The following SEMA6D variants were observed in gnomAD, a reference collection of about 807,000 sequenced individuals.
SEMA6D encodes semaphorin-6D.
SEMA6D carries 35 observed loss-of-function variants against 106.6 expected under a neutral mutation model. That is an observed-to-expected ratio of 0.33 (90% confidence interval 0.25 to 0.44). The LOEUF is 0.44. Ranked by LOEUF, SEMA6D falls within the 20% of genes least tolerant of loss-of-function variation. The pLI is 1.00. For synonymous variants in SEMA6D, 499 were observed against 487.7 expected (o/e 1.02, Z -0.31); for missense variants, 1,185 against 1,345.9 (o/e 0.88, Z 1.87).
At chr15:47,705,720 A>T (rs1446701335) in intron 4 of SEMA6D, among the ~76,000 whole-genome samples, 2 of 152,188 alleles carry the variant, frequency 1.3e-5, no homozygotes, top group African/African-American at 2.4e-5. Context: ...GTTCCCCAGG[A>T]AATTCCTGGG....
chr15:47,466,531 A>G (rs1646000814), intron 2 of SEMA6D, among the ~76,000 whole-genome samples: 1 of 152,118 alleles, frequency 6.6e-6, no homozygotes, highest in Non-Finnish European at 1.5e-5. Context: ...GTAAATATTT[A>G]TCAAATTTTC....
At chr15:47,277,147 C>G (rs1445410650) in intron 1 of SEMA6D, among the ~76,000 whole-genome samples, 1 of 152,076 alleles carries the variant, frequency 6.6e-6, no homozygotes, top group African/African-American at 2.4e-5. Context: ...TATGGGTGAG[C>G]AAAGAAAGTG....
At chr15:47,335,819 G>A (rs1401185991) in intron 1 of SEMA6D, among the ~76,000 whole-genome samples, 3 of 152,126 alleles carry the variant, frequency 2.0e-5, no homozygotes, top group African/African-American at 7.2e-5. Context: ...AGTAAGAAAT[G>A]GCATGAATAA....
At chr15:47,198,741 T>G (rs1444197205) in intron 1 of SEMA6D, among the ~76,000 whole-genome samples, 3 of 152,216 alleles carry the variant, frequency 2.0e-5, no homozygotes, top group Non-Finnish European at 4.4e-5. Context: ...TTTAACTTTT[T>G]CTAAACCCAA....
chr15:47,367,666 ACGCACGC>A (rs1567030756), intron 1 of SEMA6D, among the ~76,000 whole-genome samples: 4 of 148,182 alleles, frequency 2.7e-5, no homozygotes, highest in East Asian at 4.0e-4. Context: ...TCCCCTAAAC[ACGCACGC>A]TCACACGCGC....
At chr15:47,749,472 T>C (rs558487106) in intron 1 of SEMA6D, among the ~76,000 whole-genome samples, 72 of 152,214 alleles carry the variant, frequency 4.7e-4, no homozygotes, top group African/African-American at 1.7e-3. Context: ...TTAGTAATAT[T>C]ATTATCCTCA....
rs1025024290 is a variant in SEMA6D, at chr15:47,415,388, G to A, written c.-159+2916G>A. Among the ~76,000 whole-genome samples, 8 of 152,114 alleles carry A rather than the reference G, an allele frequency of 5.3e-5. No individual in the cohort carries two copies. The East Asian group carries it at 1.4e-3, about 26-fold the overall frequency. On this transcript the variant is annotated intron_variant, in intron 2 of 19. Coordinates refer to the SEMA6D transcript ENST00000558014. ...CCCTGTCAGTAAGGGGAGTAGAAAGGGTCTCTGGGACTGATCCTTGTGGTA... is the reference window on the plus strand; with the variant it reads ...CCCTGTCAGTAAGGGGAGTAGAAAGAGTCTCTGGGACTGATCCTTGTGGTA...
intron 4 of SEMA6D, among the ~76,000 whole-genome samples, chr15:47,622,383 A>G (rs113291747): frequency 6.6e-6 from 1 of 152,134 alleles, no homozygotes; most frequent in East Asian, 1.9e-4. Context: ...CTCTCTCCTC[A>G]GCATGGAACC....
At chr15:47,239,586 C>T (rs924019091) in intron 1 of SEMA6D, among the ~76,000 whole-genome samples, 6 of 152,130 alleles carry the variant, frequency 3.9e-5, no homozygotes, top group Non-Finnish European at 7.4e-5. Flanking sequence ...ATATGGGCTT[C>T]GGAGTTCACG....
chr15:47,216,712 T>C (rs904748091), intron 1 of SEMA6D, among the ~76,000 whole-genome samples: 21 of 151,762 alleles, frequency 1.4e-4, no homozygotes, highest in African/African-American at 5.1e-4. Context: ...GATAAATACT[T>C]GAAAAATACA....
At chr15:47,245,796 A>G (rs1487710577) in intron 1 of SEMA6D, among the ~76,000 whole-genome samples, 1 of 152,176 alleles carries the variant, frequency 6.6e-6, no homozygotes, top group Non-Finnish European at 1.5e-5. Context: ...CAAAAAGGTG[A>G]GAGGATTCTA....
At chr15:47,193,516 A>G (rs144910338) in intron 1 of SEMA6D, among the ~76,000 whole-genome samples, 2 of 152,294 alleles carry the variant, frequency 1.3e-5, no homozygotes, top group Non-Finnish European at 2.9e-5. Flanking sequence ...GCTGTTTGTC[A>G]AGGCCGAAAT....
At chr15:47,729,661 T>C (rs926603553) in intron 1 of SEMA6D, among the ~76,000 whole-genome samples, 3 of 152,134 alleles carry the variant, frequency 2.0e-5, no homozygotes, top group Non-Finnish European at 2.9e-5. Flanking sequence ...CAGAGGCCAA[T>C]CAGAAAATCC....
At chr15:47,314,340 T>C (rs1396388145) in intron 1 of SEMA6D, among the ~76,000 whole-genome samples, 1 of 152,026 alleles carries the variant, frequency 6.6e-6, no homozygotes, top group African/African-American at 2.4e-5. Flanking sequence ...GGCTCACGCC[T>C]GTAATCCCAG....
intron 1 of SEMA6D, among the ~76,000 whole-genome samples, chr15:47,218,663 C>A (rs2141331025): frequency 6.6e-6 from 1 of 152,266 alleles, no homozygotes; most frequent in Non-Finnish European, 1.5e-5. Context: ...ATAGCCAAAG[C>A]AAAGTATTCA....
chr15:47,429,304 G>T (rs1382908847), intron 2 of SEMA6D, among the ~76,000 whole-genome samples: 1 of 152,082 alleles, frequency 6.6e-6, no homozygotes, highest in Non-Finnish European at 1.5e-5. Context: ...CTTATACAAT[G>T]AGGTGCTTTC....
At chr15:47,658,100 A>G (rs2077840279) in intron 4 of SEMA6D, among the ~76,000 whole-genome samples, 1 of 152,096 alleles carries the variant, frequency 6.6e-6, no homozygotes, top group African/African-American at 2.4e-5. Flanking sequence ...TATAAGAATG[A>G]TAGTGGCAGT....
intron 1 of SEMA6D, among the ~76,000 whole-genome samples, chr15:47,234,376 A>C (rs2141632269): frequency 1.3e-5 from 2 of 152,138 alleles, no homozygotes; most frequent in East Asian, 3.9e-4. Context: ...TTTGGGATAC[A>C]AATGGTTTTT....
rs1465236802 is a variant in SEMA6D, at chr15:47,766,159, T to C, written c.1623T>C (p.Cys541=). 1.2e-6 allele frequency: 2 copies of C among 1,613,436 alleles called. No individual in the cohort carries two copies. The highest frequency in any genetic ancestry group is 1.1e-5 in the South Asian group (1 of 91,066). ...GTGGCTGGTTAAGCCAGGGATCCTG[T>C]GGTAGAGTGACCCCAGGGATGCTGT... ...PYCGWLSQGS[C]GRVTPGMLAE... Residue 541 remains cysteine (C), a synonymous_variant, in exon 15 of 19, where the codon TGT becomes TGC. Coordinates refer to ENST00000536845, the MANE Select transcript of SEMA6D (RefSeq NM_001358351.3).
Sources: allele counts gnomAD v4.1 joint callset (sites outside exome capture counted in the v4.1 genomes callset), GRCh38; gene constraint gnomAD v4.1.1; transcripts MANE v1.5; gene names NCBI Gene and HGNC (gene_info 2026-07-23, HGNC 2026-07-21).